Variants in SSH2 observed in about 807,000 individuals in gnomAD.
SSH2 encodes the protein protein phosphatase Slingshot homolog 2.
SSH2 carries 37 observed loss-of-function variants against 135.2 expected under a neutral mutation model. That is an observed-to-expected ratio of 0.27 (90% CI 0.21 to 0.36). SSH2 has a LOEUF of 0.36. SSH2 is among the 10% of genes least tolerant of loss of function. The pLI, the probability that SSH2 is intolerant of heterozygous loss-of-function variation, is 1.00. For missense variants in SSH2, 1,408 were observed against 1,765.3 expected (o/e 0.80, Z 3.63); for synonymous variants, 628 against 646.2 (o/e 0.97, Z 0.43).
intron 3 of SSH2, among the ~76,000 whole-genome samples, chr17:29,708,264 T>C (rs1402488979): frequency 2.6e-5 from 4 of 152,188 alleles, no homozygotes; most frequent in African/African-American, 9.7e-5. Flanking sequence ...AAAAATTCAA[T>C]TGACAAGGAG....
In SSH2 at chr17:29,632,236, C is replaced by T. The variant is rs777627614; in HGVS notation, c.2958G>A (p.Val986=). The T allele has an allele frequency of 2.5e-6, 4 of 1,613,872 alleles. No individual in the cohort carries two copies. Among genetic ancestry groups the T allele is most frequent in the Non-Finnish European group, 2.5e-6 (3 of 1,179,982 alleles). The change falls in exon 16 of 16, where the codon GTG becomes GTA. Residue 986 remains valine (V), a synonymous_variant. Transcript: ENST00000540801. ...EQNATVPAPR[V]LEFDHLPDPQ... is the part of the protein sequence containing the mutation. ...GATCTGGCAAGTGGTCAAACTCCAG[C>T]ACCCTGGGAGCTGGAACAGTGGCAT...
chr17:29,913,382 A>C (rs867139992), intron 1 of SSH2, among the ~76,000 whole-genome samples: 35 of 96,218 alleles, frequency 3.6e-4, no homozygotes, highest in Middle Eastern at 5.4e-3. Flanking sequence ...ATATATATAT[A>C]TCCAATTTCT....
chr17:29,641,565 C>G (rs918151314), intron 14 of SSH2: 1 of 152,050 alleles, frequency 6.6e-6, no homozygotes, highest in Non-Finnish European at 1.5e-5. Flanking sequence ...AAATAATTGG[C>G]CTTTTACCTA....
intron 1 of SSH2, among the ~76,000 whole-genome samples, chr17:29,852,698 C>T (rs1237498130): frequency 2.0e-5 from 3 of 151,650 alleles, no homozygotes; most frequent in African/African-American, 7.3e-5. Context: ...ACTACAGGCG[C>T]GTGCCACCAC....
intron 3 of SSH2, among the ~76,000 whole-genome samples, chr17:29,744,717 T>C (rs2040694448): frequency 6.6e-6 from 1 of 152,158 alleles, no homozygotes; most frequent in Non-Finnish European, 1.5e-5. Context: ...CCCTTCCCCT[T>C]ATAGCTCACT....
intron 1 of SSH2, among the ~76,000 whole-genome samples, chr17:29,903,496 C>G (rs1211236620): frequency 2.7e-5 from 4 of 150,876 alleles, no homozygotes; most frequent in South Asian, 4.2e-4. Context: ...AACTTATAGA[C>G]AAGCCTATTT....
intron 1 of SSH2, among the ~76,000 whole-genome samples, chr17:29,874,664 C>T (rs774636493): frequency 4.6e-5 from 7 of 152,148 alleles, no homozygotes; most frequent in African/African-American, 7.2e-5. Context: ...CCCAGCCATG[C>T]TGAATTGTGA....
chr17:29,908,704 C>T (rs2066702200), intron 1 of SSH2, among the ~76,000 whole-genome samples: 1 of 135,104 alleles, frequency 7.4e-6, no homozygotes, highest in African/African-American at 2.9e-5. Flanking sequence ...GCGGAGGTTG[C>T]AGTGAGCTGA....
rs139783592 is a variant in SSH2, at chr17:29,662,292, TAGA to T, written c.1032+4572_1032+4574del. Among the ~76,000 whole-genome samples, 95 of 152,300 alleles carry T rather than the reference TAGA, an allele frequency of 6.2e-4. 2 individuals carry two copies. The East Asian group carries it at 0.016, about 25-fold the overall frequency. ...CTGGAGTCCAAATGTCCAAGGAAAA[TAGA>T]AGACTACAGCACATTTATAGCAAAT... On this transcript the variant is annotated intron_variant, in intron 11 of 15. Coordinates refer to ENST00000540801, the MANE Select transcript of SSH2 (RefSeq NM_001282129.2).
At chr17:29,666,076 TGCCG>T (rs2037260714) in intron 11 of SSH2, among the ~76,000 whole-genome samples, 1 of 152,154 alleles carries the variant, frequency 6.6e-6, no homozygotes, top group South Asian at 2.1e-4. Context: ...CGATGGCTCA[TGCCG>T]GTAATTTGGG....
intron 11 of SSH2, 130 bp from the exon 12 acceptor site, chr17:29,655,737 G>A (rs1359294349): frequency 1.4e-6 from 1 of 736,068 alleles, no homozygotes. Flanking sequence ...TAAGTTGCCA[G>A]GCACTTCATA....
chr17:29,906,334 C>T (rs530142338), intron 1 of SSH2, among the ~76,000 whole-genome samples: 9 of 152,158 alleles, frequency 5.9e-5, no homozygotes, highest in Non-Finnish European at 1.3e-4. Flanking sequence ...AATTGGACCC[C>T]TTCCTTACAC....
At chr17:29,635,884 T>A in intron 15 of SSH2, 84 bp downstream of exon 15, 1 of 1,090,672 alleles carries the variant, frequency 9.2e-7, no homozygotes, top group African/African-American at 1.6e-5. Flanking sequence ...AGACTCTCCA[T>A]CAAAAACAAA....
intron 3 of SSH2, among the ~76,000 whole-genome samples, chr17:29,790,331 C>A (rs1290605090): frequency 6.6e-6 from 1 of 152,098 alleles, no homozygotes; most frequent in Admixed American, 6.5e-5. Context: ...TTCTCCCCAC[C>A]AAGTAAGAAC....
In SSH2 at chr17:29,770,198, C is replaced by G. The variant is rs377235916; in HGVS notation, c.188+23696G>C. 4.2e-4 allele frequency among the ~76,000 whole-genome samples: 60 copies of G among 143,452 alleles called. 1 individual carries two copies. The South Asian group carries it at 0.014, about 33-fold the overall frequency. The allele number at this position is 143,452 out of a possible 152,430, so 94.1% of individuals were successfully genotyped here. ...TACTGCAACCTCTGCCTCCTGGGTT[C>G]AAAAGATACTAGTGATTCTCATGCC... On this transcript the variant is annotated intron_variant, in intron 3 of 15. Transcript: ENST00000540801.
At chr17:29,715,852 G>A (rs2039604737) in intron 3 of SSH2, among the ~76,000 whole-genome samples, 1 of 152,162 alleles carries the variant, frequency 6.6e-6, no homozygotes, top group African/African-American at 2.4e-5. Flanking sequence ...TGACAGTAAT[G>A]ACACTGACTT....
intron 3 of SSH2, among the ~76,000 whole-genome samples, chr17:29,788,301 A>G (rs762873903): frequency 6.6e-6 from 1 of 152,170 alleles, no homozygotes; most frequent in Non-Finnish European, 1.5e-5. Context: ...CACTCAATCT[A>G]TTGAAGGCCT....
chr17:29,659,807 C>T (rs536892853), intron 11 of SSH2, among the ~76,000 whole-genome samples: 45 of 151,944 alleles, frequency 3.0e-4, no homozygotes, highest in African/African-American at 9.9e-4. Flanking sequence ...GGATTACAGG[C>T]GTGAGCCACT....
At chr17:29,753,875 A>G (rs990936647) in intron 3 of SSH2, among the ~76,000 whole-genome samples, 4 of 152,082 alleles carry the variant, frequency 2.6e-5, no homozygotes. Flanking sequence ...TAACATATAT[A>G]CAACATTAGG....
Sources: gnomAD v4.1 joint callset for allele counts (sites outside exome capture counted in the v4.1 genomes callset) on GRCh38, gnomAD v4.1.1 for gene constraint, MANE v1.5 for transcripts, NCBI Gene and HGNC (gene_info 2026-07-23, HGNC 2026-07-21) for gene names.